RAI1: variants seen among roughly 807,000 people sequenced by gnomAD.
RAI1 encodes retinoic acid induced 1.
In RAI1, 9 loss-of-function variants were observed where a neutral mutation model predicts 123.8. The observed-to-expected ratio is 0.07, with a 90% confidence interval of 0.04 to 0.13. The LOEUF is 0.13. Among genes scored for constraint, RAI1 ranks in the 10% least tolerant of loss-of-function variants. RAI1 has a pLI of 1.00. For synonymous variants in RAI1, 1,231 were observed against 1,127.3 expected (o/e 1.09, Z -1.84); for missense variants, 2,256 against 2,545.8 (o/e 0.89, Z 2.45).
intron 1 of RAI1, among the ~76,000 whole-genome samples, chr17:17,698,118 G>A (rs142635114): frequency 1.2e-3 from 178 of 152,334 alleles, no homozygotes; most frequent in African/African-American, 4.2e-3. Context: ...CACAGCCATA[G>A]CCCTAATGCA....
rs533428255 is a variant in RAI1 at position 17,724,311 on chromosome 17, G to C, written c.-17+152G>C. On this transcript the variant is annotated intron_variant, in intron 2 of 5. Transcript: ENST00000353383. ...CCGCCGCGGACACCCCTCCCGCGGC[G>C]CCAGGATCTTGGCTGGAGTTGCGGA... 1.1e-4 allele frequency among the ~76,000 whole-genome samples: 16 copies of C among 151,192 alleles called. No homozygotes were observed. In the East Asian group the frequency reaches 3.0e-3, roughly 29 times the overall value.
intron 2 of RAI1, among the ~76,000 whole-genome samples, chr17:17,787,793 A>ACAG (rs908957695): frequency 2.6e-5 from 4 of 152,196 alleles, no homozygotes; most frequent in African/African-American, 9.7e-5. Flanking sequence ...GTGCCCATGA[A>ACAG]CAGCAGGTGG....
Position 17,795,882 on chromosome 17 carries a change from G to C in RAI1, c.2934G>C (p.Lys978Asn), listed in dbSNP as rs1286861200. ...CCTCTCTGGCCCAGAAGCCCAACAAGCCTGCTGTGCCCGAGGCGCCCATCG... is the reference window on the plus strand; with the variant it reads ...CCTCTCTGGCCCAGAAGCCCAACAACCCTGCTGTGCCCGAGGCGCCCATCG... Reference protein sequence around the residue: ...SDASLAQKPNKPAVPEAPIAK... With the variant: ...SDASLAQKPNNPAVPEAPIAK... The change falls in exon 3 of 6, where the codon AAG becomes AAC. Residue 978 changes from lysine to asparagine, a missense_variant. Lys to Asn is a moderately conservative substitution (Grantham distance 94). Coordinates refer to ENST00000353383, the MANE Select transcript of RAI1 (RefSeq NM_030665.4). The surrounding 1 kb of genome is among the most constrained non-coding windows in gnomAD (Gnocchi z 5.9). The C allele has an allele frequency of 6.2e-7, 1 of 1,612,376 alleles. No homozygotes were observed.
chr17:17,723,680 C>T (rs1156428753), intron 1 of RAI1, among the ~76,000 whole-genome samples: 1 of 148,974 alleles, frequency 6.7e-6, no homozygotes, highest in Non-Finnish European at 1.5e-5. Context: ...CCCCGCCCGC[C>T]TCCTCCTTCC....
At position 17,795,661 on chromosome 17, in the gene RAI1, G is replaced by A; in HGVS notation, c.2713G>A (p.Glu905Lys). Residue 905 changes from glutamate (E) to lysine (K), a missense_variant, in exon 3 of 6, where the codon GAG becomes AAG. Physicochemically the swap from Glu to Lys is moderately conservative, Grantham distance 56 (BLOSUM62 1). Coordinates refer to ENST00000353383, the MANE Select transcript of RAI1 (RefSeq NM_030665.4). The surrounding 1 kb of genome is among the most constrained non-coding windows in gnomAD (Gnocchi z 5.9). Reference sequence around the variant, plus strand: ...ACTCATCTGCACCAAGGAGGAGGTGGAGGAGGTGCTGGACTCCAAGGCCGG... The same window carrying A: ...ACTCATCTGCACCAAGGAGGAGGTGAAGGAGGTGCTGGACTCCAAGGCCGG... ...APLICTKEEVEEVLDSKAGWG... is the reference protein window; with the variant it reads ...APLICTKEEVKEVLDSKAGWG... 1.9e-6 allele frequency: 3 copies of A among 1,613,286 alleles called. No homozygotes were observed. Among genetic ancestry groups the A allele is most frequent in the Non-Finnish European group, 2.5e-6 (3 of 1,179,934 alleles).
Position 17,798,323 on chromosome 17 carries a change from G to C in RAI1, c.5375G>C (p.Gly1792Ala). The change falls in exon 3 of 6, where the codon GGG becomes GCG. Residue 1792 changes from glycine (G) to alanine (A), a missense_variant. Physicochemically the swap from Gly to Ala is moderately conservative, Grantham distance 60. Around this residue, in one of 7 missense-constraint regions of RAI1, gnomAD observed 243 missense variants for 316.6 expected, o/e 0.77. Coordinates refer to ENST00000353383, the MANE Select transcript of RAI1 (RefSeq NM_030665.4). ...SCYCCDGRED[G>A]GEEAAPADKG... ...TACTGCTGTGATGGCCGGGAGGATG[G>C]GGGCGAGGAGGCAGCCCCAGCCGAC... The C allele has an allele frequency of 6.3e-7, 1 of 1,597,384 alleles. No homozygotes were observed. The highest frequency in any genetic ancestry group is 2.3e-5 in the East Asian group (1 of 44,194).
Position 17,808,414 on chromosome 17 carries a change from A to ATTTTATTATT in RAI1, c.5660-974_5660-973insTTATTATTTT, listed in dbSNP as rs1266596226. On this transcript the variant is annotated intron_variant, in intron 4 of 5. Coordinates refer to ENST00000353383, the MANE Select transcript of RAI1 (RefSeq NM_030665.4). ...ATTTTATTTTATTTTATTTTATTTT[A>ATTTTATTATT]TTATTTTATTTTATTTTATTTTATT... Among the ~76,000 whole-genome samples, 189 of 125,880 alleles carry ATTTTATTATT rather than the reference A, an allele frequency of 1.5e-3. No individual in the cohort carries two copies. Among genetic ancestry groups the ATTTTATTATT allele is most frequent in the African/African-American group, 5.8e-3 (179 of 30,956 alleles). 82.6% of individuals were successfully genotyped at this position (125,880 alleles called of 152,430 possible). A position where few individuals can be genotyped will look rare whatever the true frequency, so the allele number is the denominator to read the frequency against.
At position 17,793,609 on chromosome 17, in the gene RAI1, A is replaced by G. The variant is rs1226298726; in HGVS notation, c.661A>G (p.Thr221Ala). 1.9e-5 allele frequency: 30 copies of G among 1,612,522 alleles called. No individual in the cohort carries two copies. Among genetic ancestry groups the G allele is most frequent in the Non-Finnish European group, 2.3e-5 (27 of 1,179,750 alleles). The change falls in exon 3 of 6, where the codon ACC (threonine) becomes GCC (alanine). Residue 221 changes from threonine to alanine, a missense_variant. By Grantham distance (58) the Thr-to-Ala change is moderately conservative. Coordinates refer to ENST00000353383, the MANE Select transcript of RAI1 (RefSeq NM_030665.4). ...TTCCCAGTCCTTCCCCACCTCCTCC[A>G]CCTACTCCTCCTCTGTCCAGGGTGG... ...QHSQSFPTSS[T>A]YSSSVQGGGQ...
At chr17:17,804,895 ACT>A (rs1215536030) in intron 4 of RAI1, among the ~76,000 whole-genome samples, 4 of 150,976 alleles carry the variant, frequency 2.6e-5, no homozygotes, top group African/African-American at 7.4e-5. Context: ...ACGGAGTCTC[ACT>A]CTGTCACCAG....
rs987713163 is a variant in RAI1 at position 17,793,737 on chromosome 17, C to T, written c.789C>T (p.Val263=). The part of the protein sequence containing the change: ...ASSSLAPGQR[V]QNLHAYQSGR... Reference sequence around the variant, plus strand: ...CCAGCCTGGCCCCGGGGCAGCGGGTCCAGAATCTTCATGCCTACCAGTCGG... The same window carrying T: ...CCAGCCTGGCCCCGGGGCAGCGGGTTCAGAATCTTCATGCCTACCAGTCGG... The change falls in exon 3 of 6, where the codon GTC becomes GTT. Residue 263 remains valine, a synonymous_variant. Transcript: ENST00000353383. 1 of 1,612,730 alleles carries T rather than the reference C, an allele frequency of 6.2e-7. No individual in the cohort carries two copies. The highest frequency in any genetic ancestry group is 8.5e-7 in the Non-Finnish European group (1 of 1,180,006).
At chr17:17,741,929 C>T (rs1278123599) in intron 2 of RAI1, among the ~76,000 whole-genome samples, 1 of 152,214 alleles carries the variant, frequency 6.6e-6, no homozygotes, top group Non-Finnish European at 1.5e-5. Flanking sequence ...TGGGTAAATC[C>T]GTTTTATCAG....
chr17:17,775,518 C>G (rs891064104), intron 2 of RAI1, among the ~76,000 whole-genome samples: 1 of 93,050 alleles, frequency 1.1e-5, no homozygotes, highest in Non-Finnish European at 2.6e-5. Flanking sequence ...GTGTAACTTT[C>G]GACTCCCCAG....
At chr17:17,756,166 G>A (rs2030429961) in intron 2 of RAI1, among the ~76,000 whole-genome samples, 1 of 152,126 alleles carries the variant, frequency 6.6e-6, no homozygotes, top group South Asian at 2.1e-4. Context: ...GACCTGGCAC[G>A]GGGGTGCCTG....
Position 17,711,342 on chromosome 17 carries a change from G to A in RAI1, c.-148-12686G>A, listed in dbSNP as rs77480204. On this transcript the variant is annotated intron_variant, in intron 1 of 5. Coordinates refer to ENST00000353383, the MANE Select transcript of RAI1 (RefSeq NM_030665.4). ...CCGAGGCATCTGGTGCACTGTAGCTGACAAACACATGCATTTTGGCACTGA... is the reference window on the plus strand; with the variant it reads ...CCGAGGCATCTGGTGCACTGTAGCTAACAAACACATGCATTTTGGCACTGA... Among the ~76,000 whole-genome samples, 122 of 152,324 alleles carry A rather than the reference G, an allele frequency of 8.0e-4. 6 individuals are homozygous for A. The East Asian group carries it at 0.023, about 29-fold the overall frequency.
At chr17:17,778,921 G>A (rs2031455553) in intron 2 of RAI1, 1 of 457,174 alleles carries the variant, frequency 2.2e-6, no homozygotes. Context: ...TGAGGGGGCT[G>A]GGGCGGGGCC....
intron 2 of RAI1, among the ~76,000 whole-genome samples, chr17:17,754,345 T>G (rs1314917127): frequency 1.3e-5 from 2 of 152,028 alleles, no homozygotes; most frequent in Non-Finnish European, 2.9e-5. Flanking sequence ...CAAGCAACTC[T>G]CCTGCCTCAG....
chr17:17,736,627 GAC>G (rs1364191628), intron 2 of RAI1, among the ~76,000 whole-genome samples: 2 of 152,344 alleles, frequency 1.3e-5, no homozygotes, highest in Admixed American at 1.3e-4. Context: ...TTAGAAATGA[GAC>G]ATGGTGTTTC....
chr17:17,776,319 A>G (rs2031340023), intron 2 of RAI1, among the ~76,000 whole-genome samples: 1 of 152,206 alleles, frequency 6.6e-6, no homozygotes, highest in Non-Finnish European at 1.5e-5. Flanking sequence ...GAGTTATCAC[A>G]TGCTCATGGT....
At chr17:17,778,918 G>C in intron 2 of RAI1, 1 of 457,136 alleles carries the variant, frequency 2.2e-6, no homozygotes. Flanking sequence ...GCCTGAGGGG[G>C]CTGGGGCGGG....
Sources: gnomAD v4.1 joint callset for allele counts (sites outside exome capture counted in the v4.1 genomes callset) on GRCh38, gnomAD v4.1.1 for gene constraint, gnomAD v4.1.1 regional missense constraint, Gnocchi (gnomAD v3.1) non-coding constraint, MANE v1.5 for transcripts, NCBI Gene and HGNC (gene_info 2026-07-23, HGNC 2026-07-21) for gene names.